Variants in CACNA1A observed in about 807,000 individuals in gnomAD.
The protein encoded by CACNA1A is calcium voltage-gated channel subunit alpha1 A.
Under a neutral mutation model 262.4 loss-of-function variants are expected in CACNA1A, and 57 were observed. The observed-to-expected ratio is 0.22, with a 90% CI of 0.18 to 0.27. The LOEUF is 0.27. Ranked by LOEUF, CACNA1A falls within the 10% of genes least tolerant of loss-of-function variation. The pLI is 1.00. For synonymous variants in CACNA1A, 1,431 were observed against 1,419.3 expected, an observed-to-expected ratio of 1.01 and a Z score of -0.18; for missense variants, 2,526 against 3,562.8, an observed-to-expected ratio of 0.71 and a Z score of 7.41.
At chr19:13,222,392 G>C (rs1004261374) in intron 38 of CACNA1A, among the ~76,000 whole-genome samples, 1 of 118,010 alleles carries the variant, frequency 8.5e-6, no homozygotes, top group African/African-American at 3.4e-5. Context: ...CAGCCTTCTC[G>C]GCTTTTTTTT....
In CACNA1A at chr19:13,371,659, C is replaced by A. The variant is rs373693069; in HGVS notation, c.631+29G>T. 28 of 1,529,808 alleles carry A rather than the reference C, an allele frequency of 1.8e-5. No homozygotes were observed. The South Asian group carries it at 2.4e-4, about 13-fold the overall frequency. The allele number at this position is 1,529,808 out of a possible 1,614,324, so 94.8% of individuals were successfully genotyped here. On this transcript the variant is annotated intron_variant, in intron 4 of 46. Coordinates refer to ENST00000360228, the MANE Select transcript of CACNA1A (RefSeq NM_001127222.2). ...AGGGCTCCTGGGGCCCGTGAGCAAACCCCTTGTCAGGGTCGGAAACTCACG... is the reference window on the plus strand; with the variant it reads ...AGGGCTCCTGGGGCCCGTGAGCAAAACCCTTGTCAGGGTCGGAAACTCACG...
chr19:13,499,135 T>G (rs886153027), intron 1 of CACNA1A, among the ~76,000 whole-genome samples: 2 of 151,892 alleles, frequency 1.3e-5, no homozygotes, highest in African/African-American at 2.4e-5. Context: ...ACACCTGGGG[T>G]GGCCATCCTG....
At chr19:13,497,924 A>G (rs1981882775) in intron 1 of CACNA1A, among the ~76,000 whole-genome samples, 1 of 151,898 alleles carries the variant, frequency 6.6e-6, no homozygotes, top group Admixed American at 6.6e-5. Context: ...TGAGATTTGC[A>G]GCCAGGGTGG....
At chr19:13,291,260 C>G (rs1435901904) in intron 19 of CACNA1A, among the ~76,000 whole-genome samples, 1 of 152,070 alleles carries the variant, frequency 6.6e-6, no homozygotes, top group Non-Finnish European at 1.5e-5. Context: ...CACTCAGACC[C>G]TGAGATCGGA....
At chr19:13,327,853 G>A (rs1021826086) in intron 10 of CACNA1A, among the ~76,000 whole-genome samples, 6 of 152,230 alleles carry the variant, frequency 3.9e-5, no homozygotes, top group African/African-American at 7.2e-5. Flanking sequence ...GATTACAGGC[G>A]TGAGCCACCG....
Position 13,212,757 on chromosome 19 carries a change from A to T in CACNA1A, c.5941-17T>A. The T allele has an allele frequency of 1.4e-6, 2 of 1,430,490 alleles. No individual in the cohort carries two copies. Among genetic ancestry groups the T allele is most frequent in the Non-Finnish European group, 1.9e-6 (2 of 1,067,794 alleles). 88.6% of individuals were successfully genotyped at this position (1,430,490 alleles called of 1,614,324 possible). A position where few individuals can be genotyped will look rare whatever the true frequency, so the allele number is the denominator to read the frequency against. ...TGTCCGGTCCTGGGGAATGGGGCAG[A>T]GAGCAGTGTGTGGACAAGGGTGGGG... is the stretch of plus-strand genomic sequence containing the variant. On this transcript the variant is annotated splice_polypyrimidine_tract_variant and intron_variant, in intron 40 of 46. Transcript: ENST00000360228. This position sits in a 1 kb window ranked among gnomAD's most constrained non-coding sequence, Gnocchi z 5.6.
intron 3 of CACNA1A, among the ~76,000 whole-genome samples, chr19:13,386,719 GGAGGCA>G (rs1416847187): frequency 6.6e-5 from 10 of 152,026 alleles, no homozygotes; most frequent in African/African-American, 2.4e-4. Flanking sequence ...CTTGAACCCA[GGAGGCA>G]GAGGTTGCAG....
chr19:13,234,242 C>T lies in CACNA1A; in HGVS notation c.5249+679G>A, dbSNP rs560334806. On this transcript the variant is annotated intron_variant, in intron 34 of 46. Coordinates refer to ENST00000360228, the MANE Select transcript of CACNA1A (RefSeq NM_001127222.2). ...GCGGGCGCCTGTAGTCCCAGCTACT[C>T]GGGAGGCTGAGGCAGGAGAATGGCG... Among the ~76,000 whole-genome samples, 35 of 142,312 alleles carry T rather than the reference C, an allele frequency of 2.5e-4. No individual in the cohort carries two copies. The East Asian group carries it at 4.6e-3, about 19-fold the overall frequency. 93.4% of individuals were successfully genotyped at this position (142,312 alleles called of 152,430 possible).
intron 27 of CACNA1A, chr19:13,259,250 A>G (rs2056654862): frequency 6.4e-6 from 1 of 156,508 alleles, no homozygotes; most frequent in Non-Finnish European, 1.2e-5. Flanking sequence ...GGTTCAAGTG[A>G]TTCTCGTGTC....
chr19:13,303,678 G>T, intron 16 of CACNA1A, 65 bp from the exon 17 acceptor site: 1 of 1,571,642 alleles, frequency 6.4e-7, no homozygotes, highest in Non-Finnish European at 8.8e-7. Context: ...TGGGTATCTG[G>T]GTCTCTCAGT....
At chr19:13,247,487 A>C (rs1221229633) in intron 30 of CACNA1A, among the ~76,000 whole-genome samples, 2 of 152,080 alleles carry the variant, frequency 1.3e-5, no homozygotes, top group African/African-American at 4.8e-5. Flanking sequence ...AGGTCAGGAG[A>C]TCAAGACCAT....
chr19:13,216,440 C>T (rs2055013380), intron 38 of CACNA1A, among the ~76,000 whole-genome samples: 1 of 43,550 alleles, frequency 2.3e-5, no homozygotes, highest in East Asian at 8.7e-4. Context: ...AGAGTTCAAG[C>T]GATTCTCCTA....
At position 13,316,460 on chromosome 19, in the gene CACNA1A, C is replaced by T. The variant is rs780241314; in HGVS notation, c.1555+652G>A. 12 of 150,678 alleles carry T rather than the reference C, an allele frequency of 8.0e-5. No homozygotes were observed. The East Asian group carries it at 1.2e-3, about 15-fold the overall frequency. The allele number at this position is 150,678 out of a possible 1,614,324, so 9.3% of individuals were successfully genotyped here. A position where few individuals can be genotyped will look rare whatever the true frequency, so the allele number is the denominator to read the frequency against. On this transcript the variant is annotated intron_variant, in intron 11 of 46. Coordinates refer to ENST00000360228, the MANE Select transcript of CACNA1A (RefSeq NM_001127222.2). Reference sequence around the variant, plus strand: ...GTACCTTGAGGGAGCAAAACGCTCTCGCAGATACTGGAGGGGATGTTCTAT... The same window carrying T: ...GTACCTTGAGGGAGCAAAACGCTCTTGCAGATACTGGAGGGGATGTTCTAT...
In CACNA1A at chr19:13,299,266, G is replaced by C; in HGVS notation, c.2367C>G (p.Ser789Arg). 6.2e-7 allele frequency: 1 copy of C among 1,606,322 alleles called. No homozygotes were observed. The highest frequency in any genetic ancestry group is 8.5e-7 in the Non-Finnish European group (1 of 1,179,842). Residue 789 changes from serine (S) to arginine (R), a missense_variant, in exon 19 of 47, where the codon AGC becomes AGG. Physicochemically the swap from Ser to Arg is moderately radical, Grantham distance 110. Coordinates refer to ENST00000360228, the MANE Select transcript of CACNA1A (RefSeq NM_001127222.2). ...CCATTTCGTTATACAGGGCCTCCCGGCTGGCCAGCAAGTTCTGCTTTCGCA... is the reference window on the plus strand; with the variant it reads ...CCATTTCGTTATACAGGGCCTCCCGCCTGGCCAGCAAGTTCTGCTTTCGCA... The part of the protein sequence containing the change: ...SEMRKQNLLA[S>R]REALYNEMDP...
chr19:13,439,780 A>G (rs1245014749), intron 3 of CACNA1A, among the ~76,000 whole-genome samples: 1 of 152,038 alleles, frequency 6.6e-6, no homozygotes, highest in Non-Finnish European at 1.5e-5. Context: ...ATTTTTAGGA[A>G]ACTCAGATAA....
At chr19:13,355,337 T>C (rs1295336738) in intron 6 of CACNA1A, among the ~76,000 whole-genome samples, 1 of 152,190 alleles carries the variant, frequency 6.6e-6, no homozygotes, top group East Asian at 1.9e-4. Flanking sequence ...TCTGCTAACA[T>C]CTTGGGGTTG....
chr19:13,464,799 T>A (rs111499582), intron 1 of CACNA1A, among the ~76,000 whole-genome samples: 1 of 151,818 alleles, frequency 6.6e-6, no homozygotes, highest in Non-Finnish European at 1.5e-5. Context: ...CTGCCCACCT[T>A]GGCCTCCCAA....
chr19:13,397,922 C>A (rs2144680489), intron 3 of CACNA1A, among the ~76,000 whole-genome samples: 1 of 152,218 alleles, frequency 6.6e-6, no homozygotes, highest in East Asian at 1.9e-4. Context: ...CAAGCCTGGG[C>A]CCCTGACTTA....
At position 13,465,447 on chromosome 19, in the gene CACNA1A, T is replaced by C. The variant is rs145235951; in HGVS notation, c.294-10235A>G. On this transcript the variant is annotated intron_variant, in intron 1 of 46. Coordinates refer to ENST00000360228, the MANE Select transcript of CACNA1A (RefSeq NM_001127222.2). ...GAATTAAACACGATGTTGCCTTTTG[T>C]GTCTGGCTTCTTTCACTCAGCATCA... Among the ~76,000 whole-genome samples the C allele has an allele frequency of 7.4e-3, 1,123 of 152,356 alleles. 17 individuals carry two copies. The highest frequency in any genetic ancestry group is 0.026 in the African/African-American group (1,079 of 41,584).
Sources: allele counts gnomAD v4.1 joint callset (sites outside exome capture counted in the v4.1 genomes callset), GRCh38; gene constraint gnomAD v4.1.1; non-coding constraint Gnocchi (gnomAD v3.1); transcripts MANE v1.5; gene names NCBI Gene and HGNC (gene_info 2026-07-23, HGNC 2026-07-21).